The following TBXAS1 variants were observed in gnomAD, a reference collection of about 807,000 sequenced individuals.
TBXAS1 encodes the protein thromboxane A synthase 1.
TBXAS1 carries 48 observed loss-of-function variants against 60.7 expected under a neutral mutation model. The ratio of observed to expected loss-of-function variants is 0.79; its 90% CI spans 0.63 to 1.01. The LOEUF is 1.01. Among genes scored for constraint, TBXAS1 ranks in the 50% least tolerant of loss-of-function variants. The probability of loss-of-function intolerance (pLI) is 0.00; values close to 1 mark genes in which losing one functional copy is unlikely to be tolerated. For synonymous variants in TBXAS1, 287 were observed against 269.7 expected, an observed-to-expected ratio of 1.06 and a Z score of -0.63; for missense variants, 685 against 686.3, an observed-to-expected ratio of 1.00 and a Z score of 0.02.
intron 3 of TBXAS1, among the ~76,000 whole-genome samples, chr7:139,895,535 A>T (rs1449916789): frequency 6.6e-6 from 1 of 152,238 alleles, no homozygotes; most frequent in Non-Finnish European, 1.5e-5. Context: ...TTTACCAGGA[A>T]GGGGGTGACC....
At chr7:139,933,010 T>C (rs1807457006) in intron 4 of TBXAS1, among the ~76,000 whole-genome samples, 1 of 152,142 alleles carries the variant, frequency 6.6e-6, no homozygotes, top group African/African-American at 2.4e-5. Context: ...TGAGCCACGA[T>C]CACACCAATG....
chr7:139,861,585 C>T (rs1229584360), intron 1 of TBXAS1, among the ~76,000 whole-genome samples: 1 of 152,064 alleles, frequency 6.6e-6, no homozygotes, highest in Non-Finnish European at 1.5e-5. Flanking sequence ...GCAAAGGATT[C>T]AATTAACAAG....
chr7:139,925,338 C>G (rs952318242), intron 4 of TBXAS1, among the ~76,000 whole-genome samples: 2 of 152,028 alleles, frequency 1.3e-5, no homozygotes, highest in African/African-American at 2.4e-5. Context: ...GTTTTACAGT[C>G]TTCATTGTAG....
chr7:139,874,260 C>T (rs1479663650), intron 2 of TBXAS1, among the ~76,000 whole-genome samples: 4 of 152,142 alleles, frequency 2.6e-5, no homozygotes, highest in Admixed American at 2.0e-4. Flanking sequence ...CAAACCAGAT[C>T]GGAAAGCTAA....
chr7:140,012,462 CT>C lies in TBXAS1; in HGVS notation c.1227-3243del, dbSNP rs879886189. Among the ~76,000 whole-genome samples, 1,100 of 143,584 alleles carry C rather than the reference CT, an allele frequency of 7.7e-3. 14 individuals carry two copies. The highest frequency in any genetic ancestry group is 0.02 in the African/African-American group (796 of 39,272). 94.2% of individuals were successfully genotyped at this position (143,584 alleles called of 152,430 possible). A position where few individuals can be genotyped will look rare whatever the true frequency, so the allele number is the denominator to read the frequency against. ...AATCCCAAATCACCTGTAACCAGAACTTTTTTTTTTTTTTTTTTGAGACGGA... is the reference window on the plus strand; with the variant it reads ...AATCCCAAATCACCTGTAACCAGAACTTTTTTTTTTTTTTTTTGAGACGGA... On this transcript the variant is annotated intron_variant, in intron 10 of 12. Coordinates refer to ENST00000448866, the MANE Select transcript of TBXAS1 (RefSeq NM_001061.7).
At chr7:139,822,257 T>C (rs1034743787) in intron 4 of TBXAS1, among the ~76,000 whole-genome samples, 3 of 151,458 alleles carry the variant, frequency 2.0e-5, no homozygotes, top group African/African-American at 7.2e-5. Flanking sequence ...TGCTCTCTCT[T>C]ATACTCTTTC....
chr7:139,805,654 CTTTTTCT>C (rs1797829084), intron 4 of TBXAS1, among the ~76,000 whole-genome samples: 1 of 130,408 alleles, frequency 7.7e-6, no homozygotes, highest in African/African-American at 2.9e-5. Flanking sequence ...TCCCTCCCTT[CTTTTTCT>C]CTTTCTTTCT....
chr7:139,955,510 C>A lies in TBXAS1; in HGVS notation c.591C>A (p.Thr197=), dbSNP rs1809784056. 9.3e-6 allele frequency: 15 copies of A among 1,614,206 alleles called. No individual in the cohort carries two copies. Among genetic ancestry groups the A allele is most frequent in the Non-Finnish European group, 1.3e-5 (15 of 1,180,026 alleles). ...TGGTTGCCAGCGTCGCCTTTGGCAC[C>A]CCGGTGGACTCCTGGCAGGCCCCTG... ...TDVVASVAFG[T]PVDSWQAPED... Residue 197 remains threonine (T), a synonymous_variant, in exon 7 of 13, where the codon ACC becomes ACA. Coordinates refer to ENST00000448866, the MANE Select transcript of TBXAS1 (RefSeq NM_001061.7).
intron 3 of TBXAS1, among the ~76,000 whole-genome samples, chr7:139,880,785 A>C (rs1367247271): frequency 6.6e-6 from 1 of 152,152 alleles, no homozygotes; most frequent in East Asian, 1.9e-4. Flanking sequence ...TCATATACAC[A>C]TCATTGATGT....
chr7:139,911,437 C>T (rs1419752461), intron 4 of TBXAS1, 116 bp downstream of exon 4: 1 of 933,856 alleles, frequency 1.1e-6, no homozygotes, highest in Non-Finnish European at 1.8e-6. Context: ...ATGTCAGTTC[C>T]ACTCAAAACT....
In TBXAS1 at chr7:139,895,858, C is replaced by T. The variant is rs1489115346; in HGVS notation, c.237-15367C>T. Among the ~76,000 whole-genome samples, 6 of 152,338 alleles carry T rather than the reference C, an allele frequency of 3.9e-5. No individual in the cohort carries two copies. The East Asian group carries it at 1.2e-3, about 29-fold the overall frequency. On this transcript the variant is annotated intron_variant, in intron 3 of 12. Transcript: ENST00000448866. ...GCAGGCCCATGGCTGATGGAGCCAACAGGGCACCTCTGCAGGGGGCACCTC... is the reference window on the plus strand; with the variant it reads ...GCAGGCCCATGGCTGATGGAGCCAATAGGGCACCTCTGCAGGGGGCACCTC...
intron 4 of TBXAS1, among the ~76,000 whole-genome samples, chr7:139,801,333 C>T (rs1232719539): frequency 6.6e-6 from 1 of 152,220 alleles, no homozygotes; most frequent in East Asian, 1.9e-4. Context: ...GGTCTTGCTT[C>T]AACTTAAAAA....
intron 7 of TBXAS1, among the ~76,000 whole-genome samples, chr7:139,956,619 G>A (rs544845826): frequency 1.3e-5 from 2 of 152,272 alleles, no homozygotes; most frequent in South Asian, 2.1e-4. Flanking sequence ...TTTCATTCCC[G>A]TTTCTGAGCC....
chr7:139,905,036 T>TC (rs1804921490), intron 3 of TBXAS1, among the ~76,000 whole-genome samples: 2 of 88,778 alleles, frequency 2.3e-5, no homozygotes, highest in African/African-American at 1.1e-4. Context: ...TCTTTCTTTC[T>TC]TTCTTTCTTT....
At position 139,783,060 on chromosome 7, in the gene TBXAS1, C is replaced by A. The variant is rs973747052; in HGVS notation, c.-169+331C>A. Among the ~76,000 whole-genome samples the A allele has an allele frequency of 5.9e-5, 9 of 152,192 alleles. No homozygotes were observed. In the South Asian group the frequency reaches 1.9e-3, roughly 32 times the overall value. On this transcript the variant is annotated intron_variant, in intron 3 of 16. Transcript: ENST00000336425. ...ACTCTTTAACTGAAAGCTTCAGTAA[C>A]AAGACATTACACTCACAGAGAATTT... is the stretch of plus-strand genomic sequence containing the variant.
At position 139,963,724 on chromosome 7, in the gene TBXAS1, C is replaced by G. The variant is rs754214720; in HGVS notation, c.1134+1491C>G. Among the ~76,000 whole-genome samples, 3 of 152,152 alleles carry G rather than the reference C, an allele frequency of 2.0e-5. No individual in the cohort carries two copies. In the East Asian group the frequency reaches 5.8e-4, roughly 29 times the overall value. On this transcript the variant is annotated intron_variant, in intron 9 of 12. Coordinates refer to ENST00000448866, the MANE Select transcript of TBXAS1 (RefSeq NM_001061.7). Reference sequence around the variant, plus strand: ...TGCAGATAACAGAACCCCAACCCAACTGATTTAAGCAAAACAAAAACAAAA... The same window carrying G: ...TGCAGATAACAGAACCCCAACCCAAGTGATTTAAGCAAAACAAAAACAAAA...
At chr7:139,932,366 C>T (rs902655936) in intron 4 of TBXAS1, among the ~76,000 whole-genome samples, 2 of 152,022 alleles carry the variant, frequency 1.3e-5, no homozygotes, top group African/African-American at 4.8e-5. Flanking sequence ...GCCTTGGGTA[C>T]AGGATTTCTA....
chr7:139,872,321 T>C lies in TBXAS1; in HGVS notation c.176T>C (p.Phe59Ser). 6.2e-7 allele frequency: 1 copy of C among 1,613,860 alleles called. No individual in the cohort carries two copies. The highest frequency in any genetic ancestry group is 8.5e-7 in the Non-Finnish European group (1 of 1,179,812). Residue 59 changes from phenylalanine to serine, a missense_variant, in exon 2 of 13, where the codon TTC becomes TCC. By Grantham distance (155) the Phe-to-Ser change is radical. Transcript: ENST00000448866. ...CCTTTCATTGGAAACTTGACATTTT[T>C]CCGCCAGGTAAGGGCTGTCTTCCAT... ...PSPFIGNLTF[F>S]RQGFWESQME... is the part of the protein sequence containing the mutation.
chr7:139,980,154 C>T (rs1461007772), intron 9 of TBXAS1, among the ~76,000 whole-genome samples: 1 of 152,094 alleles, frequency 6.6e-6, no homozygotes, highest in African/African-American at 2.4e-5. Flanking sequence ...TGATATGAGC[C>T]ATAATTTAGC....
Sources: gnomAD v4.1 joint callset for allele counts (sites outside exome capture counted in the v4.1 genomes callset) on GRCh38, gnomAD v4.1.1 for gene constraint, MANE v1.5 for transcripts, NCBI Gene and HGNC (gene_info 2026-07-23, HGNC 2026-07-21) for gene names.